TUT7: variants seen among roughly 807,000 people sequenced by gnomAD.
TUT7 encodes the protein terminal uridylyl transferase 7.
Under a neutral mutation model 165.9 loss-of-function variants are expected in TUT7, and 33 were observed. That is an observed-to-expected ratio of 0.20 (90% CI 0.15 to 0.27). The LOEUF is 0.27. Ranked by LOEUF, TUT7 falls within the 10% of genes least tolerant of loss-of-function variation. The probability of loss-of-function intolerance (pLI) is 1.00; values close to 1 mark genes in which losing one functional copy is unlikely to be tolerated. For missense variants in TUT7, 1,338 were observed against 1,762.3 expected (o/e 0.76, Z 4.31); for synonymous variants, 552 against 608.1 (o/e 0.91, Z 1.36).
At chr9:86,336,906 T>C (rs1830830553) in intron 10 of TUT7, 1 of 152,330 alleles carries the variant, frequency 6.6e-6, no homozygotes, top group Non-Finnish European at 1.5e-5. Flanking sequence ...GTCAAAATAT[T>C]ATTCAAGAGA....
intron 11 of TUT7, 73 bp from the exon 12 acceptor site, chr9:86,325,587 A>C (rs1829716168): frequency 7.0e-7 from 1 of 1,419,398 alleles, no homozygotes; most frequent in South Asian, 1.4e-5. Context: ...AGATCATTTA[A>C]GCATCAAATT....
intron 10 of TUT7, among the ~76,000 whole-genome samples, chr9:86,336,193 A>C (rs942676650): frequency 6.6e-6 from 1 of 152,154 alleles, no homozygotes; most frequent in African/African-American, 2.4e-5. Flanking sequence ...ACCTGATTTA[A>C]TCCTATCCTA....
intron 14 of TUT7, among the ~76,000 whole-genome samples, chr9:86,321,190 T>TAA (rs758749770): frequency 3.3e-5 from 4 of 121,280 alleles, no homozygotes; most frequent in African/African-American, 3.1e-5. Flanking sequence ...CCATCTCTAC[T>TAA]AAAAAAAAAA....
intron 10 of TUT7, among the ~76,000 whole-genome samples, chr9:86,335,489 G>A (rs1448161156): frequency 2.0e-5 from 3 of 152,144 alleles, no homozygotes; most frequent in Admixed American, 6.5e-5. Context: ...GGGACAGAAT[G>A]ACTAAAAGAT....
At chr9:86,310,068 CTCT>C (rs1827890285) in intron 18 of TUT7, 51 bp from the exon 19 acceptor site, 2 of 1,336,240 alleles carry the variant, frequency 1.5e-6, no homozygotes, top group Non-Finnish European at 2.0e-6. Flanking sequence ...TGTAAAGGGT[CTCT>C]TTTTTTTTTT....
intron 7 of TUT7, 116 bp from the exon 8 acceptor site, chr9:86,340,221 A>C: frequency 1.3e-6 from 1 of 795,842 alleles, no homozygotes; most frequent in Non-Finnish European, 2.1e-6. Context: ...TTGAAAGACC[A>C]CTACTAAATA....
chr9:86,331,150 G>A (rs1830275893), intron 10 of TUT7, among the ~76,000 whole-genome samples: 1 of 151,936 alleles, frequency 6.6e-6, no homozygotes, highest in Admixed American at 6.6e-5. Context: ...CTTATTTTAA[G>A]AACCAGCATA....
At chr9:86,334,720 AT>A (rs1830620424) in intron 10 of TUT7, among the ~76,000 whole-genome samples, 2 of 152,046 alleles carry the variant, frequency 1.3e-5, no homozygotes, top group Non-Finnish European at 2.9e-5. Context: ...CTGAGTTTTT[AT>A]ACCCAGGGTT....
chr9:86,321,176 A>G (rs1316203942), intron 14 of TUT7, among the ~76,000 whole-genome samples: 1 of 151,542 alleles, frequency 6.6e-6, no homozygotes, highest in Non-Finnish European at 1.5e-5. Flanking sequence ...AATATGGTGA[A>G]ACCCCATCTC....
At position 86,311,561 on chromosome 9, in the gene TUT7, T is replaced by C. The variant is rs903411912; in HGVS notation, c.3275-752A>G. Reference sequence around the variant, plus strand: ...TACACATTTTGCTAAGAATTATCCTTAGTCCTCTCCCTCTCCCTCTCCCCT... The same window carrying C: ...TACACATTTTGCTAAGAATTATCCTCAGTCCTCTCCCTCTCCCTCTCCCCT... On this transcript the variant is annotated intron_variant, in intron 17 of 26. Transcript: ENST00000375963. This position sits in a 1 kb window ranked among gnomAD's most constrained non-coding sequence, Gnocchi z 4.4. Among the ~76,000 whole-genome samples, 1 of 148,784 alleles carries C rather than the reference T, an allele frequency of 6.7e-6. No individual in the cohort carries two copies. The highest frequency in any genetic ancestry group is 6.8e-5 in the Admixed American group (1 of 14,742).
intron 22 of TUT7, among the ~76,000 whole-genome samples, chr9:86,306,713 C>T (rs762581873): frequency 1.1e-4 from 16 of 151,454 alleles, no homozygotes; most frequent in East Asian, 3.9e-4. Context: ...AGGCTGACAA[C>T]GGGTGAACCC....
chr9:86,343,894 T>G (rs148518553), intron 5 of TUT7, among the ~76,000 whole-genome samples: 1 of 152,344 alleles, frequency 6.6e-6, no homozygotes, highest in Non-Finnish European at 1.5e-5. Context: ...GGGTTGGTTT[T>G]CTTGTTTGTT....
chr9:86,341,252 G>C (rs541181609), intron 6 of TUT7, among the ~76,000 whole-genome samples, 199 bp from the exon 7 acceptor site: 1 of 152,212 alleles, frequency 6.6e-6, no homozygotes, highest in East Asian at 1.9e-4. Flanking sequence ...GACAAATGTG[G>C]GCAAGAGACC....
At chr9:86,348,616 G>A (rs1440811931) in intron 2 of TUT7, among the ~76,000 whole-genome samples, 1 of 152,048 alleles carries the variant, frequency 6.6e-6, no homozygotes, top group Non-Finnish European at 1.5e-5. Flanking sequence ...CAGCCAGCAA[G>A]ATGACTCACT....
At position 86,343,079 on chromosome 9, in the gene TUT7, G is replaced by A; in HGVS notation, c.1082C>T (p.Ala361Val). 6.3e-7 allele frequency: 1 copy of A among 1,597,436 alleles called. No individual in the cohort carries two copies. Among genetic ancestry groups the A allele is most frequent in the Non-Finnish European group, 8.5e-7 (1 of 1,170,130 alleles). The change falls in exon 6 of 27, where the codon GCC becomes GTC. Residue 361 changes from alanine (A) to valine (V), a missense_variant. By Grantham distance (64) the Ala-to-Val change is moderately conservative. Around this residue, in one of 7 missense-constraint regions of TUT7, gnomAD observed 434 missense variants for 480.8 expected, o/e 0.90. Coordinates refer to ENST00000375963, the MANE Select transcript of TUT7 (RefSeq NM_024617.4). ...AGCATTTCATTTTGTACTTACAATG[G>A]CTGGAAACTGGATGTCAATGTTTAC... ...SDVNIDIQFP[A>V]IMSQPDVLLL...
Position 86,322,358 on chromosome 9 carries a change from T to C in TUT7, c.2995A>G (p.Asn999Asp). ...PLPPLTPKFL[N>D]ILDQVCIQCY... Reference sequence around the variant, plus strand: ...TGGATACAGACTTGATCTAAGATATTTAAAAACTTGGGTGTTAATGGTGGC... The same window carrying C: ...TGGATACAGACTTGATCTAAGATATCTAAAAACTTGGGTGTTAATGGTGGC... The change falls in exon 14 of 27, where the codon AAT (asparagine) becomes GAT (aspartate). Residue 999 changes from asparagine (N) to aspartate (D), a missense_variant. Coordinates refer to ENST00000375963, the MANE Select transcript of TUT7 (RefSeq NM_024617.4). 6.2e-7 allele frequency: 1 copy of C among 1,614,056 alleles called. No homozygotes were observed. The highest frequency in any genetic ancestry group is 8.5e-7 in the Non-Finnish European group (1 of 1,179,940).
intron 10 of TUT7, among the ~76,000 whole-genome samples, chr9:86,333,264 G>C (rs1473164145): frequency 6.6e-6 from 1 of 152,066 alleles, no homozygotes; most frequent in Non-Finnish European, 1.5e-5. Flanking sequence ...GCCCCACACA[G>C]GCCTGGTTTA....
At chr9:86,315,476 TG>T (rs1042623634) in intron 17 of TUT7, among the ~76,000 whole-genome samples, 8 of 152,294 alleles carry the variant, frequency 5.3e-5, no homozygotes, top group East Asian at 1.9e-4. Flanking sequence ...AAATGTTAAT[TG>T]GTGGATCTGA....
intron 5 of TUT7, 55 bp from the exon 6 acceptor site, chr9:86,343,218 TTATAACAAAACA>T: frequency 8.7e-7 from 1 of 1,155,936 alleles, no homozygotes; most frequent in South Asian, 1.8e-5. Context: ...TTCTCAAAAG[TTATAACAAAACA>T]CTGCTATTTC....
Sources: gnomAD v4.1 joint callset for allele counts (sites outside exome capture counted in the v4.1 genomes callset) on GRCh38, gnomAD v4.1.1 for gene constraint, gnomAD v4.1.1 regional missense constraint, Gnocchi (gnomAD v3.1) non-coding constraint, MANE v1.5 for transcripts, NCBI Gene and HGNC (gene_info 2026-07-23, HGNC 2026-07-21) for gene names.